Variants in BRD10 observed in about 807,000 individuals in gnomAD.
BRD10 encodes uncharacterized bromodomain-containing protein 10.
the BRD10 span, among the ~76,000 whole-genome samples, chr9:5,946,013 C>G: frequency 6.6e-6 from 1 of 152,004 alleles, no homozygotes; most frequent in Non-Finnish European, 1.5e-5. Context: ...CTAAAGGGCA[C>G]TTTCTTCTGT....
chr9:5,999,951 T>C, the BRD10 span, among the ~76,000 whole-genome samples: 1 of 152,190 alleles, frequency 6.6e-6, no homozygotes, highest in Non-Finnish European at 1.5e-5. Context: ...AGGGAGGGTA[T>C]GTTGTCTGTG....
the BRD10 span, chr9:5,969,022 A>T: frequency 6.2e-7 from 1 of 1,611,314 alleles, no homozygotes; most frequent in Non-Finnish European, 8.5e-7. Flanking sequence ...GAACTTTAAA[A>T]AACTGAGGAC....
chr9:5,956,960 T>C, the BRD10 span, among the ~76,000 whole-genome samples: 1 of 152,058 alleles, frequency 6.6e-6, no homozygotes, highest in Admixed American at 6.6e-5. Context: ...TCACCAACAG[T>C]CTAGGGGGTA....
At chr9:5,991,166 TTG>T in the BRD10 span, among the ~76,000 whole-genome samples, 11 of 137,500 alleles carry the variant, frequency 8.0e-5, no homozygotes, top group East Asian at 1.0e-3. Flanking sequence ...CATGTGTGTT[TTG>T]TGTGTGTGTG....
At chr9:6,005,367 C>A in the BRD10 span, among the ~76,000 whole-genome samples, 1 of 152,098 alleles carries the variant, frequency 6.6e-6, no homozygotes. Flanking sequence ...GAAGATTAGC[C>A]GGGCGCGGTG....
chr9:5,908,573 C>A, the BRD10 span: 1 of 1,335,798 alleles, frequency 7.5e-7, no homozygotes, highest in Non-Finnish European at 1.1e-6. Flanking sequence ...ACTATTTTAA[C>A]TTAATCCCTT....
chr9:6,004,411 G>T, the BRD10 span, among the ~76,000 whole-genome samples: 1 of 152,170 alleles, frequency 6.6e-6, no homozygotes, highest in Non-Finnish European at 1.5e-5. Flanking sequence ...TCATTATACA[G>T]ATAAGGAAAC....
the BRD10 span, among the ~76,000 whole-genome samples, chr9:5,918,506 AG>A: frequency 6.6e-6 from 1 of 152,234 alleles, no homozygotes; most frequent in Non-Finnish European, 1.5e-5. Context: ...TCTTGAGACC[AG>A]GAGTTCAAGA....
At chr9:6,007,343 C>G in the BRD10 span, 9 of 1,613,632 alleles carry the variant, frequency 5.6e-6, no homozygotes, top group Non-Finnish European at 7.6e-6. Flanking sequence ...CCGTACTGGC[C>G]GCTGGCGAAC....
the BRD10 span, among the ~76,000 whole-genome samples, chr9:5,930,446 AACAGT>A: frequency 2.7e-5 from 4 of 150,724 alleles, no homozygotes; most frequent in Non-Finnish European, 5.9e-5. Flanking sequence ...CTGTGTGACG[AACAGT>A]ACAGTTTTAC....
At chr9:6,002,166 A>G in the BRD10 span, among the ~76,000 whole-genome samples, 3 of 152,180 alleles carry the variant, frequency 2.0e-5, no homozygotes, top group Non-Finnish European at 2.9e-5. Flanking sequence ...TCTTTCTACC[A>G]TCTTTTAAAC....
the BRD10 span, among the ~76,000 whole-genome samples, chr9:5,963,714 T>A: frequency 6.6e-6 from 1 of 151,604 alleles, no homozygotes; most frequent in Non-Finnish European, 1.5e-5. Flanking sequence ...GAGATATAGA[T>A]CCATGGAACA....
At chr9:6,007,242 G>T in the BRD10 span, 8 of 1,613,862 alleles carry the variant, frequency 5.0e-6, no homozygotes, top group Non-Finnish European at 6.8e-6. Context: ...CCAGCTTCTG[G>T]CCCTGTTTGG....
chr9:5,943,385 G>C, the BRD10 span, among the ~76,000 whole-genome samples: 1 of 152,004 alleles, frequency 6.6e-6, no homozygotes, highest in Admixed American at 6.6e-5. Flanking sequence ...TTTAACTGTA[G>C]CATAAAAAAT....
At chr9:5,926,173 C>T in the BRD10 span, among the ~76,000 whole-genome samples, 1 of 152,154 alleles carries the variant, frequency 6.6e-6, no homozygotes, top group Non-Finnish European at 1.5e-5. Flanking sequence ...ACCTTGGCCT[C>T]CTAAAGTGCT....
chr9:5,918,484 G>T, the BRD10 span, among the ~76,000 whole-genome samples: 171 of 152,296 alleles, frequency 1.1e-3, 1 homozygote, highest in African/African-American at 4.0e-3. Flanking sequence ...GGGAGGCCAA[G>T]GTAGGTGGAT....
At chr9:5,926,089 T>C in the BRD10 span, among the ~76,000 whole-genome samples, 14 of 152,138 alleles carry the variant, frequency 9.2e-5, no homozygotes, top group African/African-American at 3.4e-4. Flanking sequence ...GGCTAATTTC[T>C]GTATTTTTAG....
At chr9:5,976,856 G>C in the BRD10 span, among the ~76,000 whole-genome samples, 1 of 152,094 alleles carries the variant, frequency 6.6e-6, no homozygotes, top group East Asian at 1.9e-4. Context: ...TTCTGACAGA[G>C]AAGAGTGTTA....
chr9:5,894,051 A>G, the BRD10 span, among the ~76,000 whole-genome samples: 2 of 152,116 alleles, frequency 1.3e-5, no homozygotes, highest in Non-Finnish European at 2.9e-5. The surrounding 1 kb of genome is among the most constrained non-coding windows in gnomAD (Gnocchi z 4.0). Flanking sequence ...TCCAGAGTCC[A>G]TGCTCTTAAG....
Sources: allele counts gnomAD v4.1 joint callset (sites outside exome capture counted in the v4.1 genomes callset), GRCh38; gene constraint gnomAD v4.1.1; non-coding constraint Gnocchi (gnomAD v3.1); transcripts MANE v1.5; gene names NCBI Gene and HGNC (gene_info 2026-07-23, HGNC 2026-07-21).